The following OR2M3 variants were observed in gnomAD, a reference collection of about 807,000 sequenced individuals.
The protein encoded by OR2M3 is olfactory receptor 2M3.
A neutral mutation model predicts 4.3 loss-of-function variants in OR2M3; 1 was observed. The ratio of observed to expected loss-of-function variants is 0.23; its 90% CI spans 0.08 to 1.11. OR2M3 has a LOEUF of 1.11. Ranked by LOEUF, OR2M3 falls within the 50% of genes most tolerant of loss-of-function variation. OR2M3 has a pLI of 0.54. For missense variants in OR2M3, 410 were observed against 390.4 expected, an observed-to-expected ratio of 1.05 and a Z score of -0.42; for synonymous variants, 151 against 139.4, an observed-to-expected ratio of 1.08 and a Z score of -0.59.
rs1666192450 is a variant in OR2M3 at position 248,203,785 on chromosome 1, A to G, written c.718A>G (p.Thr240Ala). ...SGEGRRKAFTTCSSHLLVVGM... is the reference protein window; with the variant it reads ...SGEGRRKAFTACSSHLLVVGM... ...AGAGGGTCGTCGCAAAGCTTTTACTACTTGTTCCTCTCACCTCTTGGTGGT... is the reference window on the plus strand; with the variant it reads ...AGAGGGTCGTCGCAAAGCTTTTACTGCTTGTTCCTCTCACCTCTTGGTGGT... The change falls in exon 2 of 2, where the codon ACT becomes GCT. Residue 240 changes from threonine (T) to alanine (A), a missense_variant. Transcript: ENST00000641626. The G allele has an allele frequency of 6.2e-7, 1 of 1,611,800 alleles. No homozygotes were observed. Among genetic ancestry groups the G allele is most frequent in the Non-Finnish European group, 8.5e-7 (1 of 1,179,590 alleles).
chr1:248,199,462 A>G (rs1666133294), intron 1 of OR2M3, among the ~76,000 whole-genome samples: 2 of 152,064 alleles, frequency 1.3e-5, no homozygotes, highest in Non-Finnish European at 2.9e-5. Flanking sequence ...ATAAGACTAC[A>G]TACAAATACC....
chr1:248,204,141 A>G lies in OR2M3; in HGVS notation c.*135A>G. 2 of 706,896 alleles carry G rather than the reference A, an allele frequency of 2.8e-6. No homozygotes were observed. The highest frequency in any genetic ancestry group is 4.6e-6 in the Non-Finnish European group (2 of 433,004). The allele number at this position is 706,896 out of a possible 1,614,324, so 43.8% of individuals were successfully genotyped here. On this transcript the variant is annotated 3_prime_UTR_variant, in exon 2 of 2. Transcript: ENST00000641626. ...TGACATATTTATGTGCACCTATATA[A>G]TTTATTTCAGATAAACTATTATAAC...
rs2103014527 is a variant in OR2M3 at position 248,204,395 on chromosome 1, C to G, written c.*389C>G. On this transcript the variant is annotated 3_prime_UTR_variant, in exon 2 of 2. Coordinates refer to ENST00000641626, the MANE Select transcript of OR2M3 (RefSeq NM_001004689.2). ...GTAGTCTTTTATCACTTGTCATTCCCCGTATTTCCCTCATGTCCCCAAAGT... is the reference window on the plus strand; with the variant it reads ...GTAGTCTTTTATCACTTGTCATTCCGCGTATTTCCCTCATGTCCCCAAAGT... 6.2e-6 allele frequency: 1 copy of G among 160,726 alleles called. No homozygotes were observed. Among genetic ancestry groups the G allele is most frequent in the Admixed American group, 6.1e-5 (1 of 16,310 alleles). 10.0% of individuals were successfully genotyped at this position (160,726 alleles called of 1,614,324 possible).
Position 248,208,510 on chromosome 1 carries a change from G to T in OR2M3, c.*4504G>T, listed in dbSNP as rs1312602712. On this transcript the variant is annotated 3_prime_UTR_variant, in exon 2 of 2. Transcript: ENST00000641626. ...CCTTTCAGCAGTTCTTGTTGTGCAG[G>T]CTTGATAGTGTTGAATTCTCTCAGC... 1 of 152,106 alleles carries T rather than the reference G, an allele frequency of 6.6e-6. No homozygotes were observed. The highest frequency in any genetic ancestry group is 1.5e-5 in the Non-Finnish European group (1 of 67,998). The allele number at this position is 152,106 out of a possible 1,614,324, so 9.4% of individuals were successfully genotyped here. A position where few individuals can be genotyped will look rare whatever the true frequency, so the allele number is the denominator to read the frequency against.
At chr1:248,201,205 T>A (rs1666153153) in intron 1 of OR2M3, among the ~76,000 whole-genome samples, 1 of 152,176 alleles carries the variant, frequency 6.6e-6, no homozygotes, top group African/African-American at 2.4e-5. Context: ...CAAAATCTTA[T>A]ACACATTTCT....
chr1:248,203,972 T>G lies in OR2M3; in HGVS notation c.905T>G (p.Met302Arg). The change falls in exon 2 of 2, where the codon ATG (methionine) becomes AGG (arginine). Residue 302 changes from methionine to arginine, a missense_variant. Coordinates refer to ENST00000641626, the MANE Select transcript of OR2M3 (RefSeq NM_001004689.2). ...AACAAGGAGGTGACCAGAGCATTCA[T>G]GAAGATCTTAGGAAAGGGCAAGTCT... ...LRNKEVTRAF[M>R]KILGKGKSGE 1.2e-6 allele frequency: 2 copies of G among 1,613,926 alleles called. No homozygotes were observed. Among genetic ancestry groups the G allele is most frequent in the South Asian group, 1.1e-5 (1 of 91,072 alleles).
Position 248,205,511 on chromosome 1 carries a change from G to C in OR2M3, c.*1505G>C, listed in dbSNP as rs963029702. The C allele has an allele frequency of 2.6e-5, 4 of 151,942 alleles. No homozygotes were observed. Among genetic ancestry groups the C allele is most frequent in the Non-Finnish European group, 4.4e-5 (3 of 67,944 alleles). 9.4% of individuals were successfully genotyped at this position (151,942 alleles called of 1,614,324 possible). ...ATCCAGTTTCATTCTTCTACATGTG[G>C]CCTGTCAGTTAGCCCAGCACCATTT... is the stretch of plus-strand genomic sequence containing the variant. On this transcript the variant is annotated 3_prime_UTR_variant, in exon 2 of 2. Transcript: ENST00000641626.
Position 248,209,004 on chromosome 1 carries a change from G to A in OR2M3, c.*4998G>A, listed in dbSNP as rs563570870. On this transcript the variant is annotated 3_prime_UTR_variant, in exon 2 of 2. Coordinates refer to ENST00000641626, the MANE Select transcript of OR2M3 (RefSeq NM_001004689.2). The stretch of plus-strand genomic sequence containing the variant: ...ATTTGACATAGTATCAAACTTCTTG[G>A]AGGCTTTGTTTTTAGGTTTTTTTTC... 6.6e-6 allele frequency: 1 copy of A among 152,070 alleles called. No homozygotes were observed. Among genetic ancestry groups the A allele is most frequent in the Non-Finnish European group, 1.5e-5 (1 of 68,002 alleles). The allele number at this position is 152,070 out of a possible 1,614,324, so 9.4% of individuals were successfully genotyped here.
At chr1:248,199,608 C>T (rs1490321748) in intron 1 of OR2M3, among the ~76,000 whole-genome samples, 2 of 152,068 alleles carry the variant, frequency 1.3e-5, no homozygotes, top group South Asian at 2.1e-4. Flanking sequence ...GTCTTACTAA[C>T]TTAGAAGAAA....
chr1:248,204,375 C>T lies in OR2M3; in HGVS notation c.*369C>T, dbSNP rs1356072811. 6.0e-6 allele frequency: 1 copy of T among 167,612 alleles called. No individual in the cohort carries two copies. The highest frequency in any genetic ancestry group is 1.3e-5 in the Non-Finnish European group (1 of 78,370). 10.4% of individuals were successfully genotyped at this position (167,612 alleles called of 1,614,324 possible). Reference sequence around the variant, plus strand: ...GTATTCACTGTACCCAATGTGTAGTCTTTTATCACTTGTCATTCCCCGTAT... The same window carrying T: ...GTATTCACTGTACCCAATGTGTAGTTTTTTATCACTTGTCATTCCCCGTAT... On this transcript the variant is annotated 3_prime_UTR_variant, in exon 2 of 2. Coordinates refer to ENST00000641626, the MANE Select transcript of OR2M3 (RefSeq NM_001004689.2).
rs555348391 is a variant in OR2M3, at chr1:248,199,913, G to A, written c.-19+2612G>A. Among the ~76,000 whole-genome samples the A allele has an allele frequency of 2.8e-4, 42 of 152,230 alleles. No homozygotes were observed. In the South Asian group the frequency reaches 7.7e-3, roughly 28 times the overall value. ...ACTAATGTAACTGAGAAAATTCAGA[G>A]GGATATGTAGATTTACACTTGTTAT... On this transcript the variant is annotated intron_variant, in intron 1 of 1. Transcript: ENST00000641626.
chr1:248,200,395 T>C (rs1666142852), intron 1 of OR2M3, among the ~76,000 whole-genome samples: 2 of 152,070 alleles, frequency 1.3e-5, no homozygotes, highest in South Asian at 4.1e-4. Context: ...TTTAAAAGCC[T>C]ACCTCCTCTT....
chr1:248,205,689 C>T lies in OR2M3; in HGVS notation c.*1683C>T, dbSNP rs537817583. 6.6e-6 allele frequency: 1 copy of T among 152,148 alleles called. No individual in the cohort carries two copies. Among genetic ancestry groups the T allele is most frequent in the African/African-American group, 2.4e-5 (1 of 41,536 alleles). 9.4% of individuals were successfully genotyped at this position (152,148 alleles called of 1,614,324 possible). A position where few individuals can be genotyped will look rare whatever the true frequency, so the allele number is the denominator to read the frequency against. ...ATCCAGTACCATGCTGTTTTGGTGACTATGGCTTTATAGTATAATTTGAAG... is the reference window on the plus strand; with the variant it reads ...ATCCAGTACCATGCTGTTTTGGTGATTATGGCTTTATAGTATAATTTGAAG... On this transcript the variant is annotated 3_prime_UTR_variant, in exon 2 of 2. Transcript: ENST00000641626.
chr1:248,207,643 A>C lies in OR2M3; in HGVS notation c.*3637A>C, dbSNP rs191937185. The C allele has an allele frequency of 6.6e-6, 1 of 152,010 alleles. No individual in the cohort carries two copies. The highest frequency in any genetic ancestry group is 2.1e-4 in the South Asian group (1 of 4,828). 9.4% of individuals were successfully genotyped at this position (152,010 alleles called of 1,614,324 possible). On this transcript the variant is annotated 3_prime_UTR_variant, in exon 2 of 2. Coordinates refer to ENST00000641626, the MANE Select transcript of OR2M3 (RefSeq NM_001004689.2). ...AGGGTTCCTTTTGGAGTTGATTTTC[A>C]ATTTTATTCTACTGTGGTCTGAGAC...
chr1:248,203,078 A>G lies in OR2M3; in HGVS notation c.11A>G (p.Glu4Gly). ...AAAAGCATACACATCATGGCAAGGG[A>G]GAATTCGACCTTCAACTCCGACTTC... Reference protein sequence around the residue: MARENSTFNSDFIL... With the variant: MARGNSTFNSDFIL... The change falls in exon 2 of 2, where the codon GAG becomes GGG. Residue 4 changes from glutamate to glycine, a missense_variant. Transcript: ENST00000641626. The G allele has an allele frequency of 6.2e-7, 1 of 1,612,590 alleles. No individual in the cohort carries two copies. Among genetic ancestry groups the G allele is most frequent in the Non-Finnish European group, 8.5e-7 (1 of 1,179,236 alleles).
In OR2M3 at chr1:248,211,489, A is replaced by C. The variant is rs548081047; in HGVS notation, c.*7483A>C. 9.2e-5 allele frequency: 14 copies of C among 152,126 alleles called. No individual in the cohort carries two copies. The highest frequency in any genetic ancestry group is 3.4e-3 in the Middle Eastern group (1 of 294). The allele number at this position is 152,126 out of a possible 1,614,324, so 9.4% of individuals were successfully genotyped here. On this transcript the variant is annotated 3_prime_UTR_variant, in exon 2 of 2. Transcript: ENST00000641626. ...TTTAGAATATAAGTAAATGTTTCTG[A>C]ATTTTCAAATGTAAGTATATTTTTA...
At position 248,203,201 on chromosome 1, in the gene OR2M3, T is replaced by C; in HGVS notation, c.134T>C (p.Met45Thr). The C allele has an allele frequency of 6.2e-7, 1 of 1,614,056 alleles. No individual in the cohort carries two copies. Among genetic ancestry groups the C allele is most frequent in the Non-Finnish European group, 8.5e-7 (1 of 1,179,978 alleles). ...GTGGCCTTCATGGGAAACTCTGTCA[T>C]GGTTCTCCTCATCTACCTGGACACC... ...FSVAFMGNSV[M>T]VLLIYLDTQL... Residue 45 changes from methionine (M) to threonine (T), a missense_variant, in exon 2 of 2, where the codon ATG becomes ACG. Transcript: ENST00000641626.
At position 248,212,492 on chromosome 1, in the gene OR2M3, T is replaced by A. The variant is rs1431702806; in HGVS notation, c.*8486T>A. ...CCACAGATCTATGGTTATACTGAAG[T>A]ATAGATAATTTAATTCAGGCCAAAA... On this transcript the variant is annotated 3_prime_UTR_variant, in exon 2 of 2. Transcript: ENST00000641626. 6.6e-6 allele frequency: 1 copy of A among 152,066 alleles called. No homozygotes were observed. The highest frequency in any genetic ancestry group is 1.5e-5 in the Non-Finnish European group (1 of 67,954). The allele number at this position is 152,066 out of a possible 1,614,324, so 9.4% of individuals were successfully genotyped here. A position where few individuals can be genotyped will look rare whatever the true frequency, so the allele number is the denominator to read the frequency against.
chr1:248,203,328 T>C lies in OR2M3; in HGVS notation c.261T>C (p.Ser87=). Residue 87 remains serine, a synonymous_variant, in exon 2 of 2, where the codon TCT becomes TCC. Transcript: ENST00000641626. ...CCAAGATGGCCTTCAACTACCTGTCTGGCAGCAAGTCCATTTCTATGGCTG... is the reference window on the plus strand; with the variant it reads ...CCAAGATGGCCTTCAACTACCTGTCCGGCAGCAAGTCCATTTCTATGGCTG... The part of the protein sequence containing the change: ...TVPKMAFNYL[S]GSKSISMAGC... 1 of 1,614,140 alleles carries C rather than the reference T, an allele frequency of 6.2e-7. No homozygotes were observed. Among genetic ancestry groups the C allele is most frequent in the East Asian group, 2.2e-5 (1 of 44,874 alleles).
Sources: gnomAD v4.1 joint callset for allele counts (sites outside exome capture counted in the v4.1 genomes callset) on GRCh38, gnomAD v4.1.1 for gene constraint, MANE v1.5 for transcripts, NCBI Gene and HGNC (gene_info 2026-07-23, HGNC 2026-07-21) for gene names.